Variants in TGFBR1 observed in about 807,000 individuals in gnomAD.
TGFBR1 encodes the protein TGF-beta receptor type-1.
Under a neutral mutation model 55.1 loss-of-function variants are expected in TGFBR1, and 20 were observed. The observed-to-expected ratio is 0.36, with a 90% CI of 0.26 to 0.53. The LOEUF (loss-of-function observed/expected upper bound fraction) is 0.53, where lower values mean the gene tolerates loss of function less well. Among genes scored for constraint, TGFBR1 ranks in the 20% least tolerant of loss-of-function variants. The probability of loss-of-function intolerance (pLI) is 0.91; values close to 1 mark genes in which losing one functional copy is unlikely to be tolerated. For synonymous variants in TGFBR1, 220 were observed against 214.8 expected (o/e 1.02, Z -0.21); for missense variants, 385 against 617.6 (o/e 0.62, Z 3.99).
At chr9:99,126,881 A>C (rs756466456) in intron 1 of TGFBR1, among the ~76,000 whole-genome samples, 1 of 152,228 alleles carries the variant, frequency 6.6e-6, no homozygotes, top group Non-Finnish European at 1.5e-5. Flanking sequence ...TGAATAAAGA[A>C]AGCGTTTTTA....
At chr9:99,121,136 A>T (rs1002533984) in intron 1 of TGFBR1, among the ~76,000 whole-genome samples, 1 of 152,216 alleles carries the variant, frequency 6.6e-6, no homozygotes, top group African/African-American at 2.4e-5. Context: ...AATGGAATTT[A>T]TCTGGAAAAA....
chr9:99,134,803 TA>T (rs56873720), intron 3 of TGFBR1, among the ~76,000 whole-genome samples: 13,627 of 25,498 alleles, frequency 0.53, 1,705 homozygotes, highest in East Asian at 0.62. Flanking sequence ...CTGTTTCCAT[TA>T]TATATATATA....
intron 1 of TGFBR1, among the ~76,000 whole-genome samples, chr9:99,121,735 A>C (rs1048406507): frequency 1.3e-5 from 2 of 152,168 alleles, no homozygotes; most frequent in Non-Finnish European, 2.9e-5. Context: ...TAATATTTGG[A>C]AATACTCTCA....
At chr9:99,109,500 T>C (rs1268728727) in intron 1 of TGFBR1, among the ~76,000 whole-genome samples, 1 of 152,204 alleles carries the variant, frequency 6.6e-6, no homozygotes, top group East Asian at 1.9e-4. Flanking sequence ...TTCTAGGCCT[T>C]AGTTGAGCAG....
intron 2 of TGFBR1, among the ~76,000 whole-genome samples, chr9:99,130,693 G>C (rs1441969674): frequency 1.3e-5 from 2 of 152,152 alleles, no homozygotes; most frequent in African/African-American, 4.8e-5. Context: ...CCAATGAAAA[G>C]TTAGGAGTTC....
rs905128765 is a variant in TGFBR1 at position 99,151,922 on chromosome 9, T to C, written c.*2617T>C. 5.0e-6 allele frequency: 1 copy of C among 201,858 alleles called. No individual in the cohort carries two copies. Among genetic ancestry groups the C allele is most frequent in the Non-Finnish European group, 1.0e-5 (1 of 98,088 alleles). The allele number at this position is 201,858 out of a possible 1,614,324, so 12.5% of individuals were successfully genotyped here. A position where few individuals can be genotyped will look rare whatever the true frequency, so the allele number is the denominator to read the frequency against. ...TCCTAGGATGCTCACCTTCCAAGAT[T>C]CAACGTGGCTAAAACATCTTCTGGT... On this transcript the variant is annotated 3_prime_UTR_variant, in exon 9 of 9. Transcript: ENST00000374994.
At chr9:99,130,653 G>A (rs949223718) in intron 2 of TGFBR1, among the ~76,000 whole-genome samples, 1 of 152,196 alleles carries the variant, frequency 6.6e-6, no homozygotes, top group South Asian at 2.1e-4. Flanking sequence ...CTCATTTCCA[G>A]CTCTAGGATA....
In TGFBR1 at chr9:99,153,426, T is replaced by G. The variant is rs200780252; in HGVS notation, c.*4121T>G. The stretch of plus-strand genomic sequence containing the variant: ...TGCCTTTTAAGATATGTACAGAAAA[T>G]GTCCATATAAATTTCCATTGAAGTC... On this transcript the variant is annotated 3_prime_UTR_variant, in exon 9 of 9. Coordinates refer to ENST00000374994, the MANE Select transcript of TGFBR1 (RefSeq NM_004612.4). 3.3e-5 allele frequency: 7 copies of G among 212,398 alleles called. No homozygotes were observed. Among genetic ancestry groups the G allele is most frequent in the Admixed American group, 5.9e-5 (1 of 16,990 alleles). The allele number at this position is 212,398 out of a possible 1,614,324, so 13.2% of individuals were successfully genotyped here.
chr9:99,133,835 C>G (rs928486769), intron 3 of TGFBR1, among the ~76,000 whole-genome samples: 2 of 151,996 alleles, frequency 1.3e-5, no homozygotes, highest in Non-Finnish European at 2.9e-5. Flanking sequence ...AAGCCCATCT[C>G]TATTAAAAAT....
intron 1 of TGFBR1, among the ~76,000 whole-genome samples, chr9:99,118,885 C>T (rs753996371): frequency 6.6e-6 from 1 of 152,142 alleles, no homozygotes; most frequent in Non-Finnish European, 1.5e-5. Context: ...CCTTTCTTCA[C>T]TAGCTTTCCT....
upstream of TGFBR1, chr9:99,104,250 G>A (rs996117142): frequency 3.3e-5 from 5 of 152,270 alleles, no homozygotes; most frequent in African/African-American, 1.2e-4. Flanking sequence ...TCCGCCCCGC[G>A]GGAGCTGGGT....
At chr9:99,132,064 T>A (rs1827246159) in intron 2 of TGFBR1, among the ~76,000 whole-genome samples, 1 of 152,016 alleles carries the variant, frequency 6.6e-6, no homozygotes, top group East Asian at 1.9e-4. Context: ...CTTGTTTTGA[T>A]ATTTTGTTGT....
intron 8 of TGFBR1, among the ~76,000 whole-genome samples, chr9:99,148,759 G>A (rs564170920): frequency 1.3e-5 from 2 of 152,106 alleles, no homozygotes; most frequent in African/African-American, 4.8e-5. Context: ...TGGAGCCTGG[G>A]AGGTCAAGGC....
chr9:99,138,188 G>C, intron 4 of TGFBR1, 99 bp downstream of exon 4: 1 of 1,041,624 alleles, frequency 9.6e-7, no homozygotes, highest in Non-Finnish European at 1.5e-6. Flanking sequence ...ATGAGACATA[G>C]ATGTCTCTCA....
At chr9:99,121,413 G>A (rs1040874699) in intron 1 of TGFBR1, among the ~76,000 whole-genome samples, 2 of 152,020 alleles carry the variant, frequency 1.3e-5, no homozygotes, top group African/African-American at 2.4e-5. Context: ...AAGAAAAGGA[G>A]AATCTATATA....
At chr9:99,146,442 T>G (rs1228462291) in intron 6 of TGFBR1, 43 bp from the exon 7 acceptor site, 1 of 1,612,942 alleles carries the variant, frequency 6.2e-7, no homozygotes, top group Non-Finnish European at 8.5e-7. Flanking sequence ...AATATGGCAG[T>G]AAGGGGATGA....
intron 7 of TGFBR1, among the ~76,000 whole-genome samples, chr9:99,146,958 T>G (rs1827815459): frequency 6.6e-6 from 1 of 152,216 alleles, no homozygotes; most frequent in South Asian, 2.1e-4. Flanking sequence ...CAAACTTATT[T>G]TTTTTCTTTG....
chr9:99,114,786 C>T (rs923126008), intron 1 of TGFBR1, among the ~76,000 whole-genome samples: 1 of 152,176 alleles, frequency 6.6e-6, no homozygotes, highest in African/African-American at 2.4e-5. Context: ...CCATTTGATA[C>T]ACTTCATCAG....
At position 99,152,225 on chromosome 9, in the gene TGFBR1, C is replaced by T. The variant is rs2118898333; in HGVS notation, c.*2920C>T. ...GTCATTAGAGGTGGAAGGGAGGGGTCTCCAAGTTTGGAGATTGAGCAGATG... is the reference window on the plus strand; with the variant it reads ...GTCATTAGAGGTGGAAGGGAGGGGTTTCCAAGTTTGGAGATTGAGCAGATG... On this transcript the variant is annotated 3_prime_UTR_variant, in exon 9 of 9. Transcript: ENST00000374994. The T allele has an allele frequency of 4.7e-6, 1 of 212,584 alleles. No individual in the cohort carries two copies. Among genetic ancestry groups the T allele is most frequent in the African/African-American group, 2.3e-5 (1 of 44,254 alleles). 13.2% of individuals were successfully genotyped at this position (212,584 alleles called of 1,614,324 possible).
Sources: gnomAD v4.1 joint callset for allele counts (sites outside exome capture counted in the v4.1 genomes callset) on GRCh38, gnomAD v4.1.1 for gene constraint, MANE v1.5 for transcripts, NCBI Gene and HGNC (gene_info 2026-07-23, HGNC 2026-07-21) for gene names.